Variants in C12orf42 observed in about 807,000 individuals in gnomAD.
C12orf42 encodes uncharacterized protein C12orf42.
C12orf42 carries 25 observed loss-of-function variants against 21.6 expected under a neutral mutation model. The observed-to-expected ratio is 1.16, with a 90% CI of 0.84 to 1.62. The LOEUF is 1.62. Among genes scored for constraint, C12orf42 ranks in the 40% most tolerant of loss-of-function variants. The probability of loss-of-function intolerance (pLI) is 0.00; values close to 1 mark genes in which losing one functional copy is unlikely to be tolerated. For synonymous variants in C12orf42, 174 were observed against 175.0 expected, an observed-to-expected ratio of 0.99 and a Z score of 0.05; for missense variants, 483 against 459.3, an observed-to-expected ratio of 1.05 and a Z score of -0.47.
chr12:103,522,153 C>G, the C12orf42 span, among the ~76,000 whole-genome samples: 1 of 152,106 alleles, frequency 6.6e-6, no homozygotes, highest in Admixed American at 6.6e-5. Context: ...GCTGTTTCCC[C>G]CATACTTTTC....
At chr12:103,395,072 C>T (rs1566230094) in intron 3 of C12orf42, among the ~76,000 whole-genome samples, 1 of 152,218 alleles carries the variant, frequency 6.6e-6, no homozygotes. Flanking sequence ...GCTAAGGATA[C>T]AACAAAAAGT....
the C12orf42 span, chr12:103,504,135 G>A: frequency 6.6e-6 from 1 of 152,560 alleles, no homozygotes; most frequent in East Asian, 1.9e-4. Context: ...GGCTCATAGA[G>A]CCCAACTGCA....
chr12:103,136,088 G>T, the C12orf42 span, among the ~76,000 whole-genome samples: 1 of 152,010 alleles, frequency 6.6e-6, no homozygotes, highest in Non-Finnish European at 1.5e-5. Flanking sequence ...ATCCAAATTG[G>T]GAAAGAGGAA....
intron 2 of C12orf42, among the ~76,000 whole-genome samples, chr12:103,459,432 A>T (rs1053461336): frequency 3.3e-5 from 5 of 152,014 alleles, no homozygotes; most frequent in African/African-American, 1.2e-4. Flanking sequence ...TATCCACCGG[A>T]GACCTGGTTG....
intron 4 of C12orf42, among the ~76,000 whole-genome samples, chr12:103,281,523 AT>A (rs1405856301): frequency 1.3e-5 from 2 of 151,804 alleles, no homozygotes; most frequent in East Asian, 3.9e-4. Flanking sequence ...TGCCTGGCTA[AT>A]TTTTTGTATT....
the C12orf42 span, among the ~76,000 whole-genome samples, chr12:103,531,498 T>C: frequency 6.6e-6 from 1 of 152,242 alleles, no homozygotes; most frequent in East Asian, 1.9e-4. Flanking sequence ...ATCTGGGTCT[T>C]CTGTTGTCAA....
chr12:103,495,289 G>C (rs1020008352), intron 1 of C12orf42, among the ~76,000 whole-genome samples: 1 of 152,060 alleles, frequency 6.6e-6, no homozygotes. Context: ...GTCTCTACAT[G>C]TAAAGAGAGG....
chr12:103,068,894 G>T, the C12orf42 span, among the ~76,000 whole-genome samples: 87 of 113,228 alleles, frequency 7.7e-4, 2 homozygotes, highest in South Asian at 3.9e-3. Context: ...TATATAGATA[G>T]ATAGATAGAT....
At chr12:103,074,999 G>A in the C12orf42 span, among the ~76,000 whole-genome samples, 1 of 152,038 alleles carries the variant, frequency 6.6e-6, no homozygotes, top group African/African-American at 2.4e-5. Context: ...TGATGTGGGA[G>A]GTCACTTGAG....
At chr12:103,262,041 G>A (rs969551288) in intron 10 of C12orf42, among the ~76,000 whole-genome samples, 3 of 152,110 alleles carry the variant, frequency 2.0e-5, no homozygotes, top group Admixed American at 1.3e-4. Context: ...TTTTAAGTAT[G>A]GTTATAGATA....
intron 2 of C12orf42, among the ~76,000 whole-genome samples, chr12:103,403,115 C>T (rs1429276203): frequency 3.3e-5 from 5 of 152,094 alleles, no homozygotes; most frequent in Non-Finnish European, 7.4e-5. Context: ...GTGGCTCACA[C>T]GTGTAATCCC....
the C12orf42 span, among the ~76,000 whole-genome samples, chr12:103,521,552 C>T: frequency 6.6e-6 from 1 of 152,054 alleles, no homozygotes; most frequent in Admixed American, 6.6e-5. Flanking sequence ...GGAGGGAGAG[C>T]ATCAGAATAA....
intron 2 of C12orf42, among the ~76,000 whole-genome samples, chr12:103,413,626 A>C (rs1738398532): frequency 6.6e-6 from 1 of 151,818 alleles, no homozygotes; most frequent in Non-Finnish European, 1.5e-5. Flanking sequence ...TTTATCCCTC[A>C]CCCATCTCCC....
chr12:103,047,895 T>C, the C12orf42 span, among the ~76,000 whole-genome samples: 1 of 152,162 alleles, frequency 6.6e-6, no homozygotes, highest in South Asian at 2.1e-4. Flanking sequence ...TAAGGTTTCT[T>C]TGAGGCTCAG....
At chr12:103,082,362 A>T in the C12orf42 span, among the ~76,000 whole-genome samples, 1 of 152,250 alleles carries the variant, frequency 6.6e-6, no homozygotes, top group African/African-American at 2.4e-5. Context: ...TGATTACGCT[A>T]CAATAATTAT....
chr12:103,147,160 GC>G, the C12orf42 span, among the ~76,000 whole-genome samples: 2 of 152,122 alleles, frequency 1.3e-5, no homozygotes, highest in Admixed American at 1.3e-4. Context: ...CTTTATAGTA[GC>G]TTTTACAGAC....
At chr12:103,223,682 G>C in the C12orf42 span, among the ~76,000 whole-genome samples, 1 of 152,196 alleles carries the variant, frequency 6.6e-6, no homozygotes, top group Non-Finnish European at 1.5e-5. Context: ...ACAGAAGATA[G>C]TAGGGATGAC....
intron 5 of C12orf42, among the ~76,000 whole-genome samples, chr12:103,276,890 T>C (rs574846235): frequency 3.8e-4 from 57 of 151,878 alleles, no homozygotes; most frequent in Non-Finnish European, 7.5e-4. Context: ...TGATAATTAA[T>C]GTTACTTTTA....
At chr12:103,426,662 G>A (rs150526461) in intron 2 of C12orf42, among the ~76,000 whole-genome samples, 29 of 152,060 alleles carry the variant, frequency 1.9e-4, no homozygotes, top group South Asian at 1.2e-3. Context: ...CATAATTGTC[G>A]GATTCACCAA....
Sources: gnomAD v4.1 joint callset for allele counts (sites outside exome capture counted in the v4.1 genomes callset) on GRCh38, gnomAD v4.1.1 for gene constraint, MANE v1.5 for transcripts, NCBI Gene and HGNC (gene_info 2026-07-23, HGNC 2026-07-21) for gene names.